The following MACROD2 variants were observed in gnomAD, a reference collection of about 807,000 sequenced individuals.
MACROD2 encodes ADP-ribose glycohydrolase MACROD2.
In MACROD2, 36 loss-of-function variants were observed where a neutral mutation model predicts 70.4. The observed-to-expected ratio is 0.51, with a 90% CI of 0.39 to 0.68. The LOEUF (loss-of-function observed/expected upper bound fraction) is 0.68. MACROD2 is among the 30% of genes least tolerant of loss of function. The pLI is 0.00. For synonymous variants in MACROD2, 172 were observed against 178.8 expected (o/e 0.96, Z 0.30); for missense variants, 496 against 538.4 (o/e 0.92, Z 0.78).
At chr20:15,920,626 G>A (rs940428894) in intron 10 of MACROD2, among the ~76,000 whole-genome samples, 11 of 152,034 alleles carry the variant, frequency 7.2e-5, no homozygotes, top group African/African-American at 2.7e-4. Flanking sequence ...TCCACAACAT[G>A]CAGTTTTTCC....
At chr20:15,673,506 G>A (rs1232281457) in intron 8 of MACROD2, among the ~76,000 whole-genome samples, 1 of 152,076 alleles carries the variant, frequency 6.6e-6, no homozygotes, top group Non-Finnish European at 1.5e-5. Context: ...CTTCATAAGT[G>A]GAAGCCCAAG....
intron 4 of MACROD2, among the ~76,000 whole-genome samples, chr20:14,668,848 T>A (rs575394041): frequency 7.6e-4 from 116 of 152,190 alleles, no homozygotes; most frequent in Non-Finnish European, 1.5e-3. Flanking sequence ...CACTTTTTTT[T>A]AAACAAAAAG....
At chr20:14,561,698 A>G (rs1379836207) in intron 4 of MACROD2, among the ~76,000 whole-genome samples, 2 of 151,894 alleles carry the variant, frequency 1.3e-5, no homozygotes, top group African/African-American at 2.4e-5. Context: ...AAACACCACA[A>G]CAATTTAAAC....
intron 4 of MACROD2, among the ~76,000 whole-genome samples, chr20:14,675,532 G>A (rs1019726376): frequency 5.3e-5 from 8 of 152,150 alleles, no homozygotes; most frequent in African/African-American, 1.2e-4. Flanking sequence ...CCAGGCCTGC[G>A]TTACAAGAGC....
At chr20:15,167,449 T>A (rs551329979) in intron 5 of MACROD2, among the ~76,000 whole-genome samples, 21 of 152,218 alleles carry the variant, frequency 1.4e-4, no homozygotes, top group African/African-American at 5.1e-4. Flanking sequence ...TTATTCTTCC[T>A]CCTCCTCGCT....
At chr20:14,075,216 C>T (rs1053665795) in intron 2 of MACROD2, among the ~76,000 whole-genome samples, 2 of 152,020 alleles carry the variant, frequency 1.3e-5, no homozygotes, top group African/African-American at 2.4e-5. Flanking sequence ...ATTTTCTATG[C>T]GTGAAATTGT....
At chr20:15,405,916 C>A (rs1568782595) in intron 6 of MACROD2, among the ~76,000 whole-genome samples, 1 of 152,172 alleles carries the variant, frequency 6.6e-6, no homozygotes, top group Non-Finnish European at 1.5e-5. Context: ...TAGTACTCAG[C>A]CCACTTTTGC....
rs150927751 is a variant in MACROD2 at position 16,047,042 on chromosome 20, T to G, written c.1300+2403T>G. ...GAGAAGTGACATGCACAGGGTCACC[T>G]GGCTAATAAATGGAAATTTAAATAC... On this transcript the variant is annotated intron_variant, in intron 17 of 17. Transcript: ENST00000684519. 2.7e-3 allele frequency among the ~76,000 whole-genome samples: 404 copies of G among 152,266 alleles called. 6 individuals are homozygous for G. The East Asian group carries it at 0.045, about 17-fold the overall frequency.
intron 8 of MACROD2, among the ~76,000 whole-genome samples, chr20:15,608,504 A>G (rs1339772327): frequency 6.6e-6 from 1 of 152,196 alleles, no homozygotes; most frequent in Non-Finnish European, 1.5e-5. Context: ...GCCGAGCCTA[A>G]CTAGGCCTCA....
At chr20:15,232,205 A>T (rs1395316153) in intron 6 of MACROD2, among the ~76,000 whole-genome samples, 5 of 151,986 alleles carry the variant, frequency 3.3e-5, no homozygotes, top group Admixed American at 2.6e-4. Flanking sequence ...ATGTAGAGGG[A>T]AATAGAAAAC....
chr20:14,099,937 T>C (rs960778765), intron 3 of MACROD2, among the ~76,000 whole-genome samples: 1 of 152,120 alleles, frequency 6.6e-6, no homozygotes, highest in Admixed American at 6.5e-5. Flanking sequence ...TAACAATCCA[T>C]GTTAAGCCAG....
intron 8 of MACROD2, among the ~76,000 whole-genome samples, chr20:15,663,310 A>G (rs1014236853): frequency 6.8e-6 from 1 of 146,970 alleles, no homozygotes; most frequent in African/African-American, 2.5e-5. Flanking sequence ...ATCTCAGCTC[A>G]CTGTGACCTC....
At chr20:15,192,680 A>G (rs2076579871) in intron 5 of MACROD2, among the ~76,000 whole-genome samples, 1 of 152,128 alleles carries the variant, frequency 6.6e-6, no homozygotes, top group Non-Finnish European at 1.5e-5. Flanking sequence ...CACTCCATAC[A>G]TCCAGACACT....
chr20:15,125,521 A>G (rs2076059958), intron 5 of MACROD2, among the ~76,000 whole-genome samples: 2 of 152,134 alleles, frequency 1.3e-5, no homozygotes, highest in Admixed American at 6.6e-5. Flanking sequence ...TATATCACCA[A>G]GAAGAAAGTT....
intron 3 of MACROD2, among the ~76,000 whole-genome samples, chr20:14,375,036 A>T (rs555881464): frequency 1.3e-5 from 2 of 152,252 alleles, no homozygotes; most frequent in Non-Finnish European, 2.9e-5. Context: ...TATAAAGATC[A>T]TGGGTTGTAT....
At chr20:14,906,433 G>A (rs1286831925) in intron 5 of MACROD2, among the ~76,000 whole-genome samples, 1 of 152,164 alleles carries the variant, frequency 6.6e-6, no homozygotes, top group Non-Finnish European at 1.5e-5. Context: ...GGCAGAGGTT[G>A]CAATGAGCTG....
chr20:15,632,199 A>G (rs763875174), intron 8 of MACROD2, among the ~76,000 whole-genome samples: 3 of 151,526 alleles, frequency 2.0e-5, no homozygotes, highest in Non-Finnish European at 2.9e-5. Flanking sequence ...ATAAAAATAA[A>G]GAATAAAAAT....
At chr20:14,846,662 C>T (rs931699264) in intron 5 of MACROD2, among the ~76,000 whole-genome samples, 6 of 151,862 alleles carry the variant, frequency 4.0e-5, no homozygotes, top group Admixed American at 6.6e-5. Context: ...GGACCACAGG[C>T]GCCCGCCACC....
intron 3 of MACROD2, among the ~76,000 whole-genome samples, chr20:14,102,222 T>A (rs1418859313): frequency 1.3e-5 from 2 of 151,898 alleles, no homozygotes; most frequent in East Asian, 3.9e-4. Context: ...CAGGATGGTC[T>A]CAATCTCCTG....
Sources: gnomAD v4.1 joint callset for allele counts (sites outside exome capture counted in the v4.1 genomes callset) on GRCh38, gnomAD v4.1.1 for gene constraint, MANE v1.5 for transcripts, NCBI Gene and HGNC (gene_info 2026-07-23, HGNC 2026-07-21) for gene names.